SCAPER: variants seen among roughly 807,000 people sequenced by gnomAD.
SCAPER encodes the protein S phase cyclin A-associated protein in the endoplasmic reticulum.
A neutral mutation model predicts 182.2 loss-of-function variants in SCAPER; 98 were observed. The ratio of observed to expected loss-of-function variants is 0.54; its 90% confidence interval spans 0.46 to 0.64. SCAPER has a LOEUF of 0.64. Among genes scored for constraint, SCAPER ranks in the 30% least tolerant of loss-of-function variants. The probability of loss-of-function intolerance (pLI) is 0.00; values close to 1 mark genes in which losing one functional copy is unlikely to be tolerated. For missense variants in SCAPER, 1,432 were observed against 1,690.0 expected, an observed-to-expected ratio of 0.85 and a Z score of 2.68; for synonymous variants, 605 against 564.6, an observed-to-expected ratio of 1.07 and a Z score of -1.01.
chr15:76,654,936 A>T (rs923520197), intron 21 of SCAPER, among the ~76,000 whole-genome samples: 19 of 152,242 alleles, frequency 1.2e-4, no homozygotes, highest in Admixed American at 7.9e-4. Context: ...TAAAGAAACA[A>T]CATCTCACAG....
At chr15:76,351,140 A>C in intron 31 of SCAPER, 97 bp downstream of exon 31, 2 of 1,050,548 alleles carry the variant, frequency 1.9e-6, no homozygotes, top group Non-Finnish European at 2.7e-6. Context: ...GTTATGTATA[A>C]AATTTTACAT....
At chr15:76,688,074 C>T (rs781209011) in intron 20 of SCAPER, among the ~76,000 whole-genome samples, 5 of 152,178 alleles carry the variant, frequency 3.3e-5, no homozygotes, top group Non-Finnish European at 5.9e-5. Context: ...AAAAGCACTC[C>T]TATTTCTCCA....
chr15:76,470,249 G>A (rs369291626), intron 25 of SCAPER, among the ~76,000 whole-genome samples: 47 of 152,210 alleles, frequency 3.1e-4, no homozygotes, highest in African/African-American at 1.1e-3. Flanking sequence ...TGTCCTCATC[G>A]ATTTTATGGC....
chr15:76,688,070 ACTC>A (rs2058131939), intron 20 of SCAPER, among the ~76,000 whole-genome samples: 1 of 152,004 alleles, frequency 6.6e-6, no homozygotes, highest in Non-Finnish European at 1.5e-5. Flanking sequence ...GCGTAAAAGC[ACTC>A]CTATTTCTCC....
intron 7 of SCAPER, among the ~76,000 whole-genome samples, 190 bp from the exon 8 acceptor site, chr15:76,795,630 T>C (rs532501101): frequency 1.0e-3 from 155 of 152,330 alleles, no homozygotes; most frequent in African/African-American, 3.6e-3. Context: ...TAAGTTTATA[T>C]AGTATAACAT....
intron 21 of SCAPER, among the ~76,000 whole-genome samples, chr15:76,634,676 T>C (rs2053444308): frequency 6.6e-6 from 1 of 152,234 alleles, no homozygotes; most frequent in Admixed American, 6.5e-5. Flanking sequence ...TTAAATGTAT[T>C]ATTAATTACT....
intron 23 of SCAPER, among the ~76,000 whole-genome samples, chr15:76,510,893 G>GCA (rs1336760802): frequency 6.6e-5 from 10 of 152,078 alleles, no homozygotes; most frequent in African/African-American, 2.2e-4. Flanking sequence ...GTGTGTGCGC[G>GCA]CGCGCACGTA....
chr15:76,838,907 G>T (rs2069189464), intron 5 of SCAPER, among the ~76,000 whole-genome samples: 1 of 152,090 alleles, frequency 6.6e-6, no homozygotes, highest in African/African-American at 2.4e-5. Flanking sequence ...AATTTTGTGA[G>T]AACAAATGAG....
chr15:76,386,918 C>G (rs1240804242), intron 27 of SCAPER, among the ~76,000 whole-genome samples: 1 of 152,184 alleles, frequency 6.6e-6, no homozygotes, highest in Non-Finnish European at 1.5e-5. Flanking sequence ...GTGATATACT[C>G]TGACTTCATT....
chr15:76,383,372 T>A (rs2043096640), intron 27 of SCAPER, among the ~76,000 whole-genome samples: 1 of 152,208 alleles, frequency 6.6e-6, no homozygotes, highest in African/African-American at 2.4e-5. Context: ...TTCATTTTAC[T>A]TTGCTAGCTG....
chr15:76,837,692 A>G (rs553904403), intron 5 of SCAPER, among the ~76,000 whole-genome samples: 28 of 152,318 alleles, frequency 1.8e-4, no homozygotes, highest in African/African-American at 2.4e-4. Context: ...CGAAACTACA[A>G]TGAGATACCA....
rs113350086 is a variant in SCAPER, at chr15:76,720,014, G to A, written c.2165+8581C>T. ...TACATATGTATACATGTGCCATGTT[G>A]GTGTGCTGCACCCATTAACTCATCA... is the stretch of plus-strand genomic sequence containing the variant. On this transcript the variant is annotated intron_variant, in intron 17 of 31. Coordinates refer to ENST00000563290, the MANE Select transcript of SCAPER (RefSeq NM_020843.4). Among the ~76,000 whole-genome samples, 655 of 151,230 alleles carry A rather than the reference G, an allele frequency of 4.3e-3. 7 individuals are homozygous for A. The highest frequency in any genetic ancestry group is 0.015 in the African/African-American group (623 of 41,152).
chr15:76,378,105 G>A (rs868609534), intron 28 of SCAPER, among the ~76,000 whole-genome samples: 38 of 152,308 alleles, frequency 2.5e-4, no homozygotes, highest in African/African-American at 9.1e-4. Flanking sequence ...TAATGTGATG[G>A]CTCAAAGTCA....
At chr15:76,421,982 T>A (rs1407622469) in intron 26 of SCAPER, among the ~76,000 whole-genome samples, 4 of 152,204 alleles carry the variant, frequency 2.6e-5, no homozygotes, top group Admixed American at 6.5e-5. Flanking sequence ...TTGGTCTATA[T>A]CTCTGTTTTG....
At chr15:76,511,227 C>A (rs1463553607) in intron 23 of SCAPER, among the ~76,000 whole-genome samples, 3 of 152,064 alleles carry the variant, frequency 2.0e-5, no homozygotes, top group African/African-American at 7.2e-5. Flanking sequence ...AACCAAATAT[C>A]ACCTGTTCCC....
At chr15:76,742,372 G>C (rs1378120931) in intron 15 of SCAPER, among the ~76,000 whole-genome samples, 1 of 44,100 alleles carries the variant, frequency 2.3e-5, no homozygotes, top group Non-Finnish European at 5.0e-5. Flanking sequence ...CCAGGCACAA[G>C]AATTTAACTG....
intron 25 of SCAPER, among the ~76,000 whole-genome samples, chr15:76,444,136 T>C (rs1219902014): frequency 6.6e-6 from 1 of 152,228 alleles, no homozygotes; most frequent in African/African-American, 2.4e-5. Context: ...TCTCATCAAA[T>C]GTAGGCAACT....
At chr15:76,738,198 G>A (rs1463228555) in intron 15 of SCAPER, among the ~76,000 whole-genome samples, 1 of 151,896 alleles carries the variant, frequency 6.6e-6, no homozygotes, top group Non-Finnish European at 1.5e-5. Flanking sequence ...GGAGTGCAGT[G>A]GCTCACTGCA....
intron 23 of SCAPER, among the ~76,000 whole-genome samples, chr15:76,534,327 T>C (rs1362587333): frequency 2.6e-5 from 4 of 152,182 alleles, no homozygotes; most frequent in African/African-American, 9.7e-5. Flanking sequence ...TGTTTGACAC[T>C]AGATAAACCA....
Sources: gnomAD v4.1 joint callset for allele counts (sites outside exome capture counted in the v4.1 genomes callset) on GRCh38, gnomAD v4.1.1 for gene constraint, MANE v1.5 for transcripts, NCBI Gene and HGNC (gene_info 2026-07-23, HGNC 2026-07-21) for gene names.